Variants in RNPC3 observed in about 807,000 individuals in gnomAD.
The protein encoded by RNPC3 is RNA-binding region-containing protein 3.
Under a neutral mutation model 67.5 loss-of-function variants are expected in RNPC3, and 48 were observed. That is an observed-to-expected ratio of 0.71 (90% CI 0.56 to 0.90). The LOEUF is 0.90. RNPC3 is among the 40% of genes least tolerant of loss of function. The probability of loss-of-function intolerance (pLI) is 0.00; values close to 1 mark genes in which losing one functional copy is unlikely to be tolerated. For synonymous variants in RNPC3, 239 were observed against 210.3 expected, an observed-to-expected ratio of 1.14 and a Z score of -1.18; for missense variants, 637 against 626.1, an observed-to-expected ratio of 1.02 and a Z score of -0.19.
chr1:103,554,844 T>C (rs1651494238), intron 14 of RNPC3, 190 bp from the exon 15 acceptor site: 1 of 152,602 alleles, frequency 6.6e-6, no homozygotes, highest in African/African-American at 2.4e-5. Flanking sequence ...TATTTTTCTG[T>C]AGGCATAGTT....
chr1:103,540,275 A>G (rs1570621448), intron 7 of RNPC3, among the ~76,000 whole-genome samples: 2 of 152,228 alleles, frequency 1.3e-5, no homozygotes, highest in South Asian at 4.1e-4. Context: ...TAAGTTGTAT[A>G]TGAAACTTAA....
At chr1:103,549,550 T>C (rs1373644918) in intron 12 of RNPC3, among the ~76,000 whole-genome samples, 2 of 152,202 alleles carry the variant, frequency 1.3e-5, no homozygotes, top group Admixed American at 6.5e-5. Context: ...CATTTTTTGA[T>C]AGTTTTTTAT....
In RNPC3 at chr1:103,543,336, C is replaced by T; in HGVS notation, c.934C>T (p.Gln312Ter). The change falls in exon 9 of 15, where the codon CAA becomes TAA. Residue 312 changes from glutamine (Q) to a stop codon, truncating the protein, a stop_gained. Transcript: ENST00000423855. LOFTEE classifies it high-confidence loss of function. ...GCTGTTACCTTCAGATGTATTTGAC[C>T]AACCACAACCTGTAGGTAACAAAAG... ...PVLLPSDVFDQPQPVGNKRIE... is the reference protein window; with the variant it reads ...PVLLPSDVFD The T allele has an allele frequency of 1.3e-6, 2 of 1,500,850 alleles. No individual in the cohort carries two copies. The highest frequency in any genetic ancestry group is 1.8e-6 in the Non-Finnish European group (2 of 1,130,916). 93.0% of individuals were successfully genotyped at this position (1,500,850 alleles called of 1,614,324 possible). A position where few individuals can be genotyped will look rare whatever the true frequency, so the allele number is the denominator to read the frequency against.
chr1:103,534,747 G>A (rs1183217967), intron 3 of RNPC3, 27 bp from the exon 4 acceptor site: 3 of 1,335,752 alleles, frequency 2.2e-6, no homozygotes, highest in African/African-American at 1.5e-5. Flanking sequence ...GGAAAGATAA[G>A]ATTAACTTTG....
At position 103,537,855 on chromosome 1, in the gene RNPC3, A is replaced by T. The variant is rs186158187; in HGVS notation, c.767+371A>T. ...TTTATTTATTATTATTATTATTATT[A>T]TTTTTGATACGGAGTTTCGCTCTTA... On this transcript the variant is annotated intron_variant, in intron 7 of 14. Transcript: ENST00000423855. 3.9e-3 allele frequency among the ~76,000 whole-genome samples: 595 copies of T among 151,826 alleles called. 6 individuals carry two copies. The highest frequency in any genetic ancestry group is 0.014 in the African/African-American group (567 of 41,410).
In RNPC3 at chr1:103,534,858, G is replaced by A. The variant is rs769858920; in HGVS notation, c.443+1G>A. 9.9e-6 allele frequency: 15 copies of A among 1,518,632 alleles called. No homozygotes were observed. The highest frequency in any genetic ancestry group is 2.8e-5 in the African/African-American group (2 of 71,914). The allele number at this position is 1,518,632 out of a possible 1,614,324, so 94.1% of individuals were successfully genotyped here. A position where few individuals can be genotyped will look rare whatever the true frequency, so the allele number is the denominator to read the frequency against. On this transcript the variant is annotated splice_donor_variant, in intron 4 of 14. Transcript: ENST00000423855. LOFTEE classifies it high-confidence loss of function. ...AAAATGGAATTGCACCAAACCATGGGTTAGCATTTTTGTTTGCTTTTCTTT... is the reference window on the plus strand; with the variant it reads ...AAAATGGAATTGCACCAAACCATGGATTAGCATTTTTGTTTGCTTTTCTTT...
At chr1:103,537,620 C>T (rs1422289755) in intron 7 of RNPC3, 136 bp downstream of exon 7, 1 of 632,770 alleles carries the variant, frequency 1.6e-6, no homozygotes, top group African/African-American at 1.8e-5. Context: ...CCCCCCAGCA[C>T]CTCAGGCATA....
In RNPC3 at chr1:103,534,783, C is replaced by T. The variant is rs781367732; in HGVS notation, c.369C>T (p.Asp123=). The T allele has an allele frequency of 2.2e-5, 34 of 1,524,788 alleles. No individual in the cohort carries two copies. The highest frequency in any genetic ancestry group is 2.9e-5 in the Non-Finnish European group (33 of 1,139,290). The allele number at this position is 1,524,788 out of a possible 1,614,324, so 94.5% of individuals were successfully genotyped here. A position where few individuals can be genotyped will look rare whatever the true frequency, so the allele number is the denominator to read the frequency against. ...ATTCTGTATGTCCCAGGTCTGATGA[C>T]CCTGTCGAAGATGATAAAGAAAAAA... is the stretch of plus-strand genomic sequence containing the variant. The part of the protein sequence containing the change: ...SGSEKKKRSD[D]PVEDDKEKKE... The change falls in exon 4 of 15, where the codon GAC becomes GAT. Residue 123 remains aspartate, a synonymous_variant. Transcript: ENST00000423855.
chr1:103,534,703 A>T, intron 3 of RNPC3, 71 bp from the exon 4 acceptor site: 1 of 798,176 alleles, frequency 1.3e-6, no homozygotes, highest in Non-Finnish European at 1.9e-6. Context: ...TGAAAAGGTA[A>T]TTTATCTTTT....
Position 103,545,102 on chromosome 1 carries a change from G to T in RNPC3, c.1207G>T (p.Glu403Ter). ...ELEKGRISRE[E>*]METLSVFRSY... ...GGAAAAGGGCAGAATTTCTAGAGAA[G>T]GTAATGTCACGAAATAAACTAAGCA... Residue 403 changes from glutamate to a stop codon, truncating the protein, a stop_gained and splice_region_variant, in exon 10 of 15, where the codon GAA (glutamate) becomes TAA (stop). Transcript: ENST00000423855. LOFTEE classifies it high-confidence loss of function. 6.5e-7 allele frequency: 1 copy of T among 1,528,856 alleles called. No homozygotes were observed. The highest frequency in any genetic ancestry group is 8.7e-7 in the Non-Finnish European group (1 of 1,142,996). 94.7% of individuals were successfully genotyped at this position (1,528,856 alleles called of 1,614,324 possible). A position where few individuals can be genotyped will look rare whatever the true frequency, so the allele number is the denominator to read the frequency against.
chr1:103,541,266 C>G (rs1234766881), intron 7 of RNPC3, 84 bp from the exon 8 acceptor site: 4 of 996,326 alleles, frequency 4.0e-6, no homozygotes, highest in Non-Finnish European at 5.5e-6. Context: ...CACCAAAATA[C>G]AAATTTAACG....
At chr1:103,553,112 A>G (rs1651439254) in intron 14 of RNPC3, among the ~76,000 whole-genome samples, 1 of 152,176 alleles carries the variant, frequency 6.6e-6, no homozygotes, top group African/African-American at 2.4e-5. Flanking sequence ...GATGGCTTGA[A>G]TATTTGAATT....
intron 12 of RNPC3, among the ~76,000 whole-genome samples, chr1:103,547,532 G>A (rs1299072552): frequency 6.6e-6 from 1 of 152,176 alleles, no homozygotes; most frequent in African/African-American, 2.4e-5. Context: ...TCATGAATTT[G>A]TTTCTAAAAG....
chr1:103,532,492 A>G (rs1176378368), intron 2 of RNPC3, among the ~76,000 whole-genome samples: 1 of 152,106 alleles, frequency 6.6e-6, no homozygotes, highest in East Asian at 1.9e-4. Flanking sequence ...TCAGGACAGA[A>G]GTCTGTGCTG....
At chr1:103,545,642 C>T (rs1179149155) in intron 10 of RNPC3, 2 of 152,404 alleles carry the variant, frequency 1.3e-5, no homozygotes, top group East Asian at 3.8e-4. Context: ...AGACTTCTAG[C>T]TAGGATTTTT....
Position 103,527,699 on chromosome 1 carries a change from A to C in RNPC3, c.197A>C (p.His66Pro). 1 of 1,548,030 alleles carries C rather than the reference A, an allele frequency of 6.5e-7. No individual in the cohort carries two copies. Among genetic ancestry groups the C allele is most frequent in the Non-Finnish European group, 8.7e-7 (1 of 1,144,456 alleles). The stretch of plus-strand genomic sequence containing the variant: ...TGTACCTTAACTCTGTTTCAGAAAC[A>C]TACAGCTTTTGCCACATTCCCTAAT... ...RVLSDKGRLKHTAFATFPNEK... is the reference protein window; with the variant it reads ...RVLSDKGRLKPTAFATFPNEK... Residue 66 changes from histidine to proline, a missense_variant, in exon 2 of 15, where the codon CAT (histidine) becomes CCT (proline). Physicochemically the swap from His to Pro is moderately conservative, Grantham distance 77. Transcript: ENST00000423855.
intron 12 of RNPC3, among the ~76,000 whole-genome samples, chr1:103,550,291 A>G (rs1325670194): frequency 6.6e-6 from 1 of 152,070 alleles, no homozygotes; most frequent in Non-Finnish European, 1.5e-5. Context: ...TCACTTGAGC[A>G]GATAGTGCCA....
chr1:103,528,110 G>A (rs1232779081), intron 2 of RNPC3, among the ~76,000 whole-genome samples: 1 of 152,190 alleles, frequency 6.6e-6, no homozygotes, highest in Non-Finnish European at 1.5e-5. Context: ...ATGATTAATT[G>A]GATTTTTTCA....
intron 8 of RNPC3, 46 bp from the exon 9 acceptor site, chr1:103,543,250 A>G (rs548162669): frequency 2.1e-5 from 27 of 1,291,920 alleles, no homozygotes; most frequent in Non-Finnish European, 2.7e-5. Context: ...TTTACTCAGG[A>G]TTTTATTTGC....
Sources: gnomAD v4.1 joint callset for allele counts (sites outside exome capture counted in the v4.1 genomes callset) on GRCh38, gnomAD v4.1.1 for gene constraint, MANE v1.5 for transcripts, NCBI Gene and HGNC (gene_info 2026-07-23, HGNC 2026-07-21) for gene names.